Variants in GBF1 observed in about 807,000 individuals in gnomAD.
GBF1 encodes golgi brefeldin A resistant guanine nucleotide exchange factor 1.
A neutral mutation model predicts 210.5 loss-of-function variants in GBF1; 114 were observed. That is an observed-to-expected ratio of 0.54 (90% CI 0.47 to 0.63). GBF1 has a LOEUF of 0.63. GBF1 is among the 30% of genes least tolerant of loss of function. The pLI, the probability that GBF1 is intolerant of heterozygous loss-of-function variation, is 0.00. For missense variants in GBF1, 1,851 were observed against 2,357.7 expected (o/e 0.79, Z 4.45); for synonymous variants, 850 against 889.2 (o/e 0.96, Z 0.78).
chr10:102,286,674 T>A (rs2075981681), intron 3 of GBF1, among the ~76,000 whole-genome samples: 1 of 152,188 alleles, frequency 6.6e-6, no homozygotes, highest in Non-Finnish European at 1.5e-5. Flanking sequence ...AGGAACAAGA[T>A]TTGCTAAATC....
At chr10:102,314,455 A>G (rs934177568) in intron 3 of GBF1, among the ~76,000 whole-genome samples, 7 of 152,098 alleles carry the variant, frequency 4.6e-5, no homozygotes, top group African/African-American at 1.7e-4. Flanking sequence ...CAACCTGTCA[A>G]TTATTTGAGT....
Position 102,363,540 on chromosome 10 carries a change from C to T in GBF1, c.2017+144C>T. 3 of 873,978 alleles carry T rather than the reference C, an allele frequency of 3.4e-6. No homozygotes were observed. Among genetic ancestry groups the T allele is most frequent in the Non-Finnish European group, 5.5e-6 (3 of 544,748 alleles). The allele number at this position is 873,978 out of a possible 1,614,324, so 54.1% of individuals were successfully genotyped here. On this transcript the variant is annotated intron_variant, in intron 16 of 39. Coordinates refer to ENST00000369983, the MANE Select transcript of GBF1 (RefSeq NM_001377137.1). This position sits in a 1 kb window ranked among gnomAD's most constrained non-coding sequence, Gnocchi z 4.2. Reference sequence around the variant, plus strand: ...TCAGACTCAGAGAGAGGGAAGCAAACATATGGACCCTCAGTTGATAGGACT... The same window carrying T: ...TCAGACTCAGAGAGAGGGAAGCAAATATATGGACCCTCAGTTGATAGGACT...
intron 30 of GBF1, 32 bp from the exon 31 acceptor site, chr10:102,376,240 C>A (rs753366804): frequency 1.3e-6 from 2 of 1,598,756 alleles, no homozygotes; most frequent in Non-Finnish European, 8.6e-7. Flanking sequence ...CCATCCCCAC[C>A]CTGACTCTGC....
At chr10:102,362,723 C>T (rs896481629) in intron 15 of GBF1, 59 bp downstream of exon 15, 10 of 1,372,446 alleles carry the variant, frequency 7.3e-6, no homozygotes, top group Admixed American at 7.2e-5. Context: ...CTTCTCTACT[C>T]TCTGAGTCGT....
At chr10:102,335,312 G>A (rs1211256881) in intron 3 of GBF1, among the ~76,000 whole-genome samples, 1 of 152,172 alleles carries the variant, frequency 6.6e-6, no homozygotes, top group African/African-American at 2.4e-5. Flanking sequence ...TGCACTCTGT[G>A]TTTACTGGAC....
intron 29 of GBF1, among the ~76,000 whole-genome samples, chr10:102,372,690 A>G (rs1367746716): frequency 1.3e-5 from 2 of 152,238 alleles, no homozygotes; most frequent in Non-Finnish European, 2.9e-5. Context: ...AGCCTTTTCA[A>G]TAAGTGGTGG....
chr10:102,294,480 C>G (rs754119590), intron 3 of GBF1, among the ~76,000 whole-genome samples: 4 of 151,340 alleles, frequency 2.6e-5, no homozygotes, highest in Non-Finnish European at 4.4e-5. Context: ...CTCCTGGGTT[C>G]AAGCCATTCT....
At chr10:102,339,479 A>G (rs796952470) in intron 3 of GBF1, among the ~76,000 whole-genome samples, 5 of 152,166 alleles carry the variant, frequency 3.3e-5, no homozygotes, top group African/African-American at 1.2e-4. Context: ...ATCCTGGCCA[A>G]CATGGTGAAA....
intron 3 of GBF1, among the ~76,000 whole-genome samples, chr10:102,316,480 C>T (rs140261992): frequency 1.3e-5 from 2 of 152,264 alleles, no homozygotes; most frequent in East Asian, 3.9e-4. Context: ...TTTAGTAGTC[C>T]TCTTCCTCTT....
At chr10:102,307,855 A>G (rs2078048961) in intron 3 of GBF1, among the ~76,000 whole-genome samples, 1 of 152,180 alleles carries the variant, frequency 6.6e-6, no homozygotes, top group African/African-American at 2.4e-5. Flanking sequence ...AAAGACTTGA[A>G]CAGACATTCA....
At chr10:102,273,256 C>T (rs1039998585) in intron 3 of GBF1, among the ~76,000 whole-genome samples, 1 of 152,058 alleles carries the variant, frequency 6.6e-6, no homozygotes, top group Non-Finnish European at 1.5e-5. Context: ...TGCTTGAACC[C>T]AGGAGGCAGA....
At chr10:102,344,671 G>A (rs2058416495) in intron 4 of GBF1, among the ~76,000 whole-genome samples, 2 of 151,834 alleles carry the variant, frequency 1.3e-5, no homozygotes, top group African/African-American at 2.4e-5. Context: ...TAGTAAAGAC[G>A]GGGTTTCACC....
At chr10:102,237,406 G>C in the GBF1 span, among the ~76,000 whole-genome samples, 1 of 152,150 alleles carries the variant, frequency 6.6e-6, no homozygotes, top group Non-Finnish European at 1.5e-5. Context: ...GGTGAGCCTA[G>C]GTTAGTCAGA....
intron 1 of GBF1, among the ~76,000 whole-genome samples, chr10:102,256,842 C>A (rs1164607050): frequency 6.6e-6 from 1 of 152,134 alleles, no homozygotes; most frequent in Admixed American, 6.6e-5. Flanking sequence ...ATTACAGATC[C>A]AGCCTGGGCA....
intron 3 of GBF1, among the ~76,000 whole-genome samples, chr10:102,288,508 G>A (rs2076147795): frequency 6.6e-6 from 1 of 150,434 alleles, no homozygotes; most frequent in African/African-American, 2.4e-5. Flanking sequence ...TCAGGAGATC[G>A]AGACCATCCT....
At chr10:102,318,101 G>A (rs1216391430) in intron 3 of GBF1, among the ~76,000 whole-genome samples, 1 of 152,016 alleles carries the variant, frequency 6.6e-6, no homozygotes, top group East Asian at 1.9e-4. Flanking sequence ...GTAGAGACAA[G>A]GTTTCACCGT....
intron 8 of GBF1, among the ~76,000 whole-genome samples, chr10:102,355,887 A>C (rs980999372): frequency 1.3e-5 from 2 of 152,186 alleles, no homozygotes; most frequent in Non-Finnish European, 2.9e-5. Flanking sequence ...CTTCTCCCAT[A>C]ACATTTTTTA....
At chr10:102,368,675 G>C in intron 22 of GBF1, 64 bp from the exon 23 acceptor site, 1 of 1,150,368 alleles carries the variant, frequency 8.7e-7, no homozygotes, top group South Asian at 1.2e-5. Flanking sequence ...GCAAGCTCAG[G>C]GACTTGGAAG....
At chr10:102,235,332 G>C in the GBF1 span, among the ~76,000 whole-genome samples, 1 of 152,134 alleles carries the variant, frequency 6.6e-6, no homozygotes, top group Non-Finnish European at 1.5e-5. Context: ...GCTGGAGCTA[G>C]AGGATGGGGT....
Sources: allele counts gnomAD v4.1 joint callset (sites outside exome capture counted in the v4.1 genomes callset), GRCh38; gene constraint gnomAD v4.1.1; non-coding constraint Gnocchi (gnomAD v3.1); transcripts MANE v1.5; gene names NCBI Gene and HGNC (gene_info 2026-07-23, HGNC 2026-07-21).